Variants in ATP2C1 observed in about 807,000 individuals in gnomAD.
The protein encoded by ATP2C1 is calcium-transporting ATPase type 2C member 1.
In ATP2C1, 31 loss-of-function variants were observed where a neutral mutation model predicts 120.5. The observed-to-expected ratio is 0.26, with a 90% CI of 0.19 to 0.35. The LOEUF (loss-of-function observed/expected upper bound fraction) is 0.35, where lower values mean the gene tolerates loss of function less well. Ranked by LOEUF, ATP2C1 falls within the 10% of genes least tolerant of loss-of-function variation. ATP2C1 has a pLI of 1.00. For synonymous variants in ATP2C1, 351 were observed against 358.7 expected (o/e 0.98, Z 0.24); for missense variants, 731 against 1,107.5 (o/e 0.66, Z 4.83).
chr3:130,966,470 A>T (rs1361002950), intron 14 of ATP2C1, among the ~76,000 whole-genome samples: 4 of 152,104 alleles, frequency 2.6e-5, no homozygotes, highest in African/African-American at 9.7e-5. Flanking sequence ...TTTGTTGCCC[A>T]GGCTGGTCTT....
chr3:131,001,134 T>C, intron 27 of ATP2C1, 86 bp from the exon 28 acceptor site: 1 of 1,083,924 alleles, frequency 9.2e-7, no homozygotes, highest in Non-Finnish European at 1.3e-6. Flanking sequence ...AAAAGTTGTG[T>C]TAAAATGCTA....
At chr3:130,958,538 T>G (rs1364725739) in intron 11 of ATP2C1, among the ~76,000 whole-genome samples, 1 of 152,118 alleles carries the variant, frequency 6.6e-6, no homozygotes, top group Non-Finnish European at 1.5e-5. Context: ...AAAAAAAACT[T>G]GTCTTAAATG....
At chr3:130,992,588 G>A (rs1384959650) in intron 20 of ATP2C1, among the ~76,000 whole-genome samples, 1 of 152,158 alleles carries the variant, frequency 6.6e-6, no homozygotes, top group Non-Finnish European at 1.5e-5. Flanking sequence ...CAGAACAAAG[G>A]GAAAAGGCTA....
At chr3:130,883,964 TAG>T (rs2068876673) in intron 1 of ATP2C1, among the ~76,000 whole-genome samples, 1 of 139,386 alleles carries the variant, frequency 7.2e-6, no homozygotes, top group Admixed American at 7.2e-5. Flanking sequence ...TTTTTTTTGA[TAG>T]AGTCTTTCTC....
chr3:130,932,986 A>G (rs1384621458), intron 4 of ATP2C1, among the ~76,000 whole-genome samples: 1 of 152,168 alleles, frequency 6.6e-6, no homozygotes, highest in Non-Finnish European at 1.5e-5. Flanking sequence ...TTTATGGAAT[A>G]TTATTTATAT....
intron 2 of ATP2C1, among the ~76,000 whole-genome samples, chr3:130,909,377 G>A (rs1471714630): frequency 6.6e-6 from 1 of 152,162 alleles, no homozygotes; most frequent in African/African-American, 2.4e-5. Context: ...CATGTTTCAT[G>A]TAACATATCT....
At chr3:130,881,915 C>A (rs541193861) in intron 1 of ATP2C1, among the ~76,000 whole-genome samples, 6 of 152,168 alleles carry the variant, frequency 3.9e-5, no homozygotes, top group Non-Finnish European at 5.9e-5. Flanking sequence ...TGTCCTGCAA[C>A]TTTATTGACT....
intron 2 of ATP2C1, chr3:130,918,232 A>G: frequency 6.8e-7 from 1 of 1,477,238 alleles, no homozygotes; most frequent in Non-Finnish European, 9.4e-7. Flanking sequence ...CTGGGCATGA[A>G]CAAGAGCCCT....
intron 11 of ATP2C1, among the ~76,000 whole-genome samples, chr3:130,958,197 AGGTCAAGAGC>A (rs1302266533): frequency 2.0e-5 from 3 of 152,192 alleles, no homozygotes; most frequent in Non-Finnish European, 4.4e-5. Flanking sequence ...TTTCTTGCCA[AGGTCAAGAGC>A]TAGATCAGGG....
In ATP2C1 at chr3:130,928,864, CTA is replaced by C. The variant is rs1002146371; in HGVS notation, c.7-1550_7-1549del. Among the ~76,000 whole-genome samples the C allele has an allele frequency of 4.6e-5, 7 of 152,226 alleles. No homozygotes were observed. The East Asian group carries it at 5.8e-4, about 13-fold the overall frequency. On this transcript the variant is annotated intron_variant, in intron 2 of 27. Transcript: ENST00000510168. ...TTTATGATCTCACAAGATGAAATAA[CTA>C]TGTCATCTATTTCAATTCTCATTGT... is the stretch of plus-strand genomic sequence containing the variant.
chr3:130,972,239 G>A (rs975752635), intron 17 of ATP2C1, among the ~76,000 whole-genome samples: 1 of 152,162 alleles, frequency 6.6e-6, no homozygotes, highest in African/African-American at 2.4e-5. Flanking sequence ...TCTCTTGCCT[G>A]CAGCCCACTT....
intron 3 of ATP2C1, among the ~76,000 whole-genome samples, chr3:130,931,189 A>G (rs1553761314): frequency 3.9e-5 from 6 of 151,930 alleles, no homozygotes; most frequent in Non-Finnish European, 1.5e-5. Flanking sequence ...ACTTATTTGT[A>G]ATATGTTTGT....
chr3:130,947,134 C>A (rs1254421396), intron 8 of ATP2C1, among the ~76,000 whole-genome samples: 1 of 152,114 alleles, frequency 6.6e-6, no homozygotes, highest in Non-Finnish European at 1.5e-5. Context: ...ATTCCAACTT[C>A]TAATGTGCCT....
chr3:130,861,881 C>T (rs1576530582), intron 1 of ATP2C1, among the ~76,000 whole-genome samples: 2 of 152,260 alleles, frequency 1.3e-5, no homozygotes, highest in East Asian at 3.9e-4. Flanking sequence ...TTAATGAATA[C>T]ACCCTAAATG....
rs2062424227 is a variant in ATP2C1 at position 130,992,992 on chromosome 3, A to C, written c.1881A>C (p.Lys627Asn). The C allele has an allele frequency of 1.1e-5, 18 of 1,612,288 alleles. No homozygotes were observed. The East Asian group carries it at 4.0e-4, about 36-fold the overall frequency. The change falls in exon 21 of 28, where the codon AAA becomes AAC. Residue 627 changes from lysine (K) to asparagine (N), a missense_variant. Lys to Asn is a moderately conservative substitution (Grantham distance 94). Transcript: ENST00000510168. The part of the protein sequence containing the change: ...FYRASPRHKM[K>N]IIKSLQKNGS... ...GAGCTAGCCCAAGGCACAAGATGAA[A>C]ATTATTAAGGTGAGTGTGTAAGAAT...
chr3:130,909,356 A>G (rs2058285112), intron 2 of ATP2C1, among the ~76,000 whole-genome samples: 1 of 152,200 alleles, frequency 6.6e-6, no homozygotes, highest in African/African-American at 2.4e-5. Context: ...TTCTGTCTTT[A>G]GGGAGAATGT....
chr3:130,999,704 C>G, intron 27 of ATP2C1, 45 bp downstream of exon 27: 5 of 1,507,594 alleles, frequency 3.3e-6, no homozygotes, highest in Non-Finnish European at 4.6e-6. Flanking sequence ...TTAGATAAAT[C>G]ATATTTTCTA....
intron 11 of ATP2C1, among the ~76,000 whole-genome samples, chr3:130,957,672 C>G (rs773069243): frequency 6.6e-6 from 1 of 151,910 alleles, no homozygotes; most frequent in African/African-American, 2.4e-5. Context: ...CTCAGCCTCC[C>G]GAGTAGCTGG....
Position 130,964,937 on chromosome 3 carries a change from T to C in ATP2C1, c.1025-11T>C. On this transcript the variant is annotated splice_polypyrimidine_tract_variant and intron_variant, in intron 13 of 27. Transcript: ENST00000510168. The stretch of plus-strand genomic sequence containing the variant: ...ATTCTTTTGGTGACTTGTAATGATT[T>C]AATTCTTTAGGCTGCTGTAATGTGA... 6.3e-7 allele frequency: 1 copy of C among 1,599,912 alleles called. No individual in the cohort carries two copies. The highest frequency in any genetic ancestry group is 8.6e-7 in the Non-Finnish European group (1 of 1,168,348).
Sources: gnomAD v4.1 joint callset for allele counts (sites outside exome capture counted in the v4.1 genomes callset) on GRCh38, gnomAD v4.1.1 for gene constraint, MANE v1.5 for transcripts, NCBI Gene and HGNC (gene_info 2026-07-23, HGNC 2026-07-21) for gene names.